The following SRGAP2C variants were observed in gnomAD, a reference collection of about 807,000 sequenced individuals.
SRGAP2C encodes SLIT-ROBO Rho GTPase activating protein 2C.
SRGAP2C carries 15 observed loss-of-function variants against 25.1 expected under a neutral mutation model. The observed-to-expected ratio is 0.60, with a 90% confidence interval of 0.40 to 0.92. The LOEUF is 0.92. SRGAP2C is among the 40% of genes least tolerant of loss of function. The probability of loss-of-function intolerance (pLI) is 0.00; values close to 1 mark genes in which losing one functional copy is unlikely to be tolerated. For synonymous variants in SRGAP2C, 44 were observed against 96.6 expected, an observed-to-expected ratio of 0.46 and a Z score of 3.19; for missense variants, 144 against 264.4, an observed-to-expected ratio of 0.54 and a Z score of 3.16.
intron 4 of SRGAP2C, among the ~76,000 whole-genome samples, chr1:121,350,359 A>G (rs1658869930): frequency 7.3e-6 from 1 of 136,878 alleles, no homozygotes; most frequent in Non-Finnish European, 1.6e-5. Flanking sequence ...GGAAGATACT[A>G]TCATCCTAGA....
At chr1:121,239,084 T>C (rs587775655) in intron 2 of SRGAP2C, among the ~76,000 whole-genome samples, 91 of 127,214 alleles carry the variant, frequency 7.2e-4, no homozygotes, top group African/African-American at 2.7e-3. Context: ...ATCCAGGTGC[T>C]GGGAACCTAG....
At chr1:121,329,660 C>G (rs1658392333) in intron 4 of SRGAP2C, among the ~76,000 whole-genome samples, 1 of 143,542 alleles carries the variant, frequency 7.0e-6, no homozygotes, top group South Asian at 2.4e-4. Context: ...GTCAGGGTGG[C>G]TGCACAATTG....
chr1:121,270,823 C>G (rs587728940), intron 2 of SRGAP2C, among the ~76,000 whole-genome samples: 3 of 147,056 alleles, frequency 2.0e-5, no homozygotes, highest in Non-Finnish European at 3.0e-5. Context: ...GACGGAGTCT[C>G]GCTCTGTCGC....
intron 2 of SRGAP2C, among the ~76,000 whole-genome samples, chr1:121,240,300 A>AT (rs1656093729): frequency 9.8e-6 from 1 of 101,920 alleles, no homozygotes; most frequent in Non-Finnish European, 1.9e-5. Context: ...TCAACAGGCT[A>AT]TTAACTGAGA....
intron 3 of SRGAP2C, among the ~76,000 whole-genome samples, chr1:121,293,886 G>A (rs1474284674): frequency 1.1e-5 from 1 of 92,944 alleles, no homozygotes; most frequent in Non-Finnish European, 2.2e-5. Context: ...GGATGCAGCA[G>A]GTTGGCCAGG....
chr1:121,372,069 T>C (rs1245246679), intron 5 of SRGAP2C, among the ~76,000 whole-genome samples: 2 of 151,930 alleles, frequency 1.3e-5, no homozygotes, highest in Non-Finnish European at 2.9e-5. Context: ...ATAGAAAATA[T>C]GAAGAGTATT....
chr1:121,263,449 A>AAAG (rs1164911424), intron 2 of SRGAP2C, among the ~76,000 whole-genome samples: 1 of 150,542 alleles, frequency 6.6e-6, no homozygotes, highest in Non-Finnish European at 1.5e-5. Context: ...AAAAAAAAAA[A>AAAG]ACTTCAGTGC....
chr1:121,297,596 G>A lies in SRGAP2C; in HGVS notation c.260+12601G>A, dbSNP rs1657623660. On this transcript the variant is annotated intron_variant, in intron 3 of 9. Transcript: ENST00000367123. ...GTGACTTAATGGATGCTCAATAAAT[G>A]GTAGCTGATAATAATTATCAGGAAA... Among the ~76,000 whole-genome samples, 8 of 151,134 alleles carry A rather than the reference G, an allele frequency of 5.3e-5. No individual in the cohort carries two copies. The South Asian group carries it at 1.7e-3, about 32-fold the overall frequency.
At chr1:121,216,094 G>GC (rs1655376593) in intron 2 of SRGAP2C, among the ~76,000 whole-genome samples, 1 of 152,154 alleles carries the variant, frequency 6.6e-6, no homozygotes, top group African/African-American at 2.4e-5. Context: ...TTGTCTACCA[G>GC]CAAAGCTGGG....
chr1:121,339,086 A>G (rs1434813071), intron 4 of SRGAP2C, among the ~76,000 whole-genome samples: 1 of 151,674 alleles, frequency 6.6e-6, no homozygotes, highest in Non-Finnish European at 1.5e-5. Context: ...GAGTTACATT[A>G]TATATTAAGC....
chr1:121,255,292 T>A (rs1374648334), intron 2 of SRGAP2C, among the ~76,000 whole-genome samples: 1 of 151,286 alleles, frequency 6.6e-6, no homozygotes, highest in African/African-American at 2.4e-5. Flanking sequence ...GTGGTCACTG[T>A]GTTGAGAGAT....
intron 3 of SRGAP2C, among the ~76,000 whole-genome samples, chr1:121,304,049 C>A (rs1354418363): frequency 6.9e-6 from 1 of 145,296 alleles, no homozygotes; most frequent in African/African-American, 2.6e-5. Flanking sequence ...CTAAAAAATA[C>A]AAAAAAAAAA....
At chr1:121,258,633 T>C (rs1656539263) in intron 2 of SRGAP2C, among the ~76,000 whole-genome samples, 1 of 148,400 alleles carries the variant, frequency 6.7e-6, no homozygotes, top group South Asian at 2.2e-4. Context: ...ACCCGGCTAA[T>C]TTTTGTATTT....
At chr1:121,343,021 T>C (rs1414772277) in intron 4 of SRGAP2C, among the ~76,000 whole-genome samples, 7 of 149,458 alleles carry the variant, frequency 4.7e-5, no homozygotes, top group African/African-American at 1.5e-4. Context: ...TTGGAAACAA[T>C]GGAAAATACT....
intron 2 of SRGAP2C, among the ~76,000 whole-genome samples, chr1:121,238,556 G>GT (rs1656013505): frequency 6.6e-6 from 1 of 152,006 alleles, no homozygotes; most frequent in Non-Finnish European, 1.5e-5. Flanking sequence ...CTTAAAGCCA[G>GT]TGGGGAACCA....
chr1:121,223,313 C>CT (rs1379523170), intron 2 of SRGAP2C, among the ~76,000 whole-genome samples: 4 of 138,184 alleles, frequency 2.9e-5, no homozygotes, highest in Non-Finnish European at 3.1e-5. Flanking sequence ...ACCCAAATGA[C>CT]TTTTTTATTA....
intron 2 of SRGAP2C, among the ~76,000 whole-genome samples, chr1:121,239,219 TATATATATAC>T (rs1656048961): frequency 1.6e-4 from 1 of 6,230 alleles, no homozygotes; most frequent in Non-Finnish European, 2.3e-4. Flanking sequence ...TATATATATA[TATATATATAC>T]TATATATATA....
At chr1:121,277,326 T>C (rs1221625592) in intron 2 of SRGAP2C, among the ~76,000 whole-genome samples, 1 of 151,998 alleles carries the variant, frequency 6.6e-6, no homozygotes, top group Non-Finnish European at 1.5e-5. Flanking sequence ...AATCCTCACT[T>C]TATCCATTAC....
At chr1:121,350,828 G>T (rs1328781191) in intron 4 of SRGAP2C, among the ~76,000 whole-genome samples, 2 of 149,852 alleles carry the variant, frequency 1.3e-5, no homozygotes, top group African/African-American at 4.9e-5. Flanking sequence ...ATGAGAAAAG[G>T]TATTTTCAAA....
Sources: gnomAD v4.1 joint callset for allele counts (sites outside exome capture counted in the v4.1 genomes callset) on GRCh38, gnomAD v4.1.1 for gene constraint, MANE v1.5 for transcripts, NCBI Gene and HGNC (gene_info 2026-07-23, HGNC 2026-07-21) for gene names.